Variants in TMEM131 observed in about 807,000 individuals in gnomAD.
The protein encoded by TMEM131 is 2610524E03Rik.
In TMEM131, 66 loss-of-function variants were observed where a neutral mutation model predicts 211.6. The observed-to-expected ratio is 0.31, with a 90% CI of 0.26 to 0.38. The LOEUF is 0.38. Ranked by LOEUF, TMEM131 falls within the 10% of genes least tolerant of loss-of-function variation. The probability of loss-of-function intolerance (pLI) is 1.00; values close to 1 mark genes in which losing one functional copy is unlikely to be tolerated. For synonymous variants in TMEM131, 844 were observed against 841.3 expected (o/e 1.00, Z -0.06); for missense variants, 2,036 against 2,299.3 (o/e 0.89, Z 2.34).
rs928111211 is a variant in TMEM131 at position 97,796,299 on chromosome 2, G to A, written c.3119C>T (p.Ser1040Leu). 8 of 1,566,236 alleles carry A rather than the reference G, an allele frequency of 5.1e-6. No individual in the cohort carries two copies. Among genetic ancestry groups the A allele is most frequent in the Non-Finnish European group, 6.9e-6 (8 of 1,155,188 alleles). The change falls in exon 28 of 41, where the codon TCA (serine) becomes TTA (leucine). Residue 1040 changes from serine (S) to leucine (L), a missense_variant. Physicochemically the swap from Ser to Leu is moderately radical, Grantham distance 145. Coordinates refer to ENST00000186436, the MANE Select transcript of TMEM131 (RefSeq NM_015348.2). Reference sequence around the variant, plus strand: ...AACTTTAAAGCCATATCCTTCACATGAGTATCCACTGATTTCAATGGTTTC... The same window carrying A: ...AACTTTAAAGCCATATCCTTCACATAAGTATCCACTGATTTCAATGGTTTC... ...HIETIEISGY[S>L]CEGYGFKVVN... is the part of the protein sequence containing the mutation.
At chr2:97,965,556 C>T (rs1183200411) in intron 1 of TMEM131, among the ~76,000 whole-genome samples, 2 of 152,164 alleles carry the variant, frequency 1.3e-5, no homozygotes, top group African/African-American at 4.8e-5. Flanking sequence ...ATAATAGCTA[C>T]CACTTACTAC....
At chr2:97,885,838 T>C (rs1373402434) in intron 4 of TMEM131, among the ~76,000 whole-genome samples, 1 of 152,232 alleles carries the variant, frequency 6.6e-6, no homozygotes, top group Non-Finnish European at 1.5e-5. Flanking sequence ...CTTGGGAAGT[T>C]TTCAGCTACT....
At chr2:97,786,526 C>G (rs773850141) in intron 31 of TMEM131, among the ~76,000 whole-genome samples, 64 of 152,190 alleles carry the variant, frequency 4.2e-4, no homozygotes, top group Non-Finnish European at 7.5e-4. Context: ...CTTAACAAAA[C>G]TCCCAAAAAC....
intron 31 of TMEM131, among the ~76,000 whole-genome samples, chr2:97,776,769 G>A (rs375264033): frequency 5.8e-4 from 88 of 152,342 alleles, no homozygotes; most frequent in African/African-American, 2.0e-3. Context: ...CTTTAGGGGC[G>A]CTAAGAGTCC....
intron 33 of TMEM131, 33 bp downstream of exon 33, chr2:97,772,264 G>A: frequency 6.3e-7 from 1 of 1,578,310 alleles, no homozygotes; most frequent in South Asian, 1.2e-5. Flanking sequence ...CTTCTTTATA[G>A]ACCTTATTTC....
intron 11 of TMEM131, among the ~76,000 whole-genome samples, chr2:97,824,860 C>G (rs1682299440): frequency 6.6e-6 from 1 of 152,234 alleles, no homozygotes. Context: ...CACCCCAATT[C>G]TAGGAGTACA....
intron 1 of TMEM131, among the ~76,000 whole-genome samples, chr2:97,933,498 G>A (rs1284171984): frequency 6.6e-6 from 1 of 151,968 alleles, no homozygotes; most frequent in East Asian, 1.9e-4. Context: ...TGGCTTAATG[G>A]TTACTGAGTC....
At chr2:97,804,900 T>C (rs1051523066) in intron 22 of TMEM131, among the ~76,000 whole-genome samples, 188 bp downstream of exon 22, 2 of 152,184 alleles carry the variant, frequency 1.3e-5, no homozygotes, top group African/African-American at 4.8e-5. Context: ...TGACAGTATG[T>C]ATATTTCCAA....
Position 97,792,654 on chromosome 2 carries a change from G to A in TMEM131, c.3876C>T (p.His1292=). 1 of 1,613,966 alleles carries A rather than the reference G, an allele frequency of 6.2e-7. No homozygotes were observed. The highest frequency in any genetic ancestry group is 1.1e-5 in the South Asian group (1 of 91,082). Reference sequence around the variant, plus strand: ...GCTGCTCCAGCGGGCTGTGGGCATGGTGCTGGCTGCCGTGCTGGCTCTGCT... The same window carrying A: ...GCTGCTCCAGCGGGCTGTGGGCATGATGCTGGCTGCCGTGCTGGCTCTGCT... ...GAKQSQHGSQ[H]HAHSPLEQHP... Residue 1292 remains histidine, a synonymous_variant, in exon 31 of 41, where the codon CAC becomes CAT. Coordinates refer to ENST00000186436, the MANE Select transcript of TMEM131 (RefSeq NM_015348.2).
chr2:97,943,050 AAAGAAAG>A (rs1677855867), intron 1 of TMEM131, among the ~76,000 whole-genome samples: 2 of 56,044 alleles, frequency 3.6e-5, no homozygotes, highest in Admixed American at 1.9e-4. Flanking sequence ...AGAAAGAAAG[AAAGAAAG>A]AAAGAAAGAA....
intron 2 of TMEM131, 64 bp from the exon 3 acceptor site, chr2:97,908,762 G>T: frequency 3.0e-6 from 4 of 1,332,074 alleles, no homozygotes; most frequent in Non-Finnish European, 4.2e-6. Flanking sequence ...CAGACATATG[G>T]AATATCCAAA....
intron 19 of TMEM131, among the ~76,000 whole-genome samples, chr2:97,806,820 T>G (rs1345402584): frequency 2.0e-5 from 3 of 152,162 alleles, no homozygotes; most frequent in Non-Finnish European, 4.4e-5. Context: ...GTGAAGAGCG[T>G]GCACAGGAAA....
intron 5 of TMEM131, among the ~76,000 whole-genome samples, chr2:97,854,371 G>A (rs1673754923): frequency 6.6e-6 from 1 of 152,152 alleles, no homozygotes; most frequent in South Asian, 2.1e-4. Context: ...AAAAAATTCT[G>A]TGACTGGCTT....
intron 25 of TMEM131, among the ~76,000 whole-genome samples, chr2:97,799,335 T>A (rs774017248): frequency 1.2e-4 from 19 of 152,180 alleles, no homozygotes; most frequent in Admixed American, 2.0e-4. Context: ...TCTTTAATAT[T>A]CTGTGGGATA....
At chr2:97,829,085 C>A (rs1056061837) in intron 11 of TMEM131, among the ~76,000 whole-genome samples, 9 of 152,332 alleles carry the variant, frequency 5.9e-5, no homozygotes, top group African/African-American at 1.4e-4. Flanking sequence ...TGCAGGGTCC[C>A]TTCTTTGCCC....
chr2:97,986,896 C>T (rs1004908494), intron 1 of TMEM131, among the ~76,000 whole-genome samples: 1 of 152,240 alleles, frequency 6.6e-6, no homozygotes. Context: ...CATAAACTAT[C>T]TCAAAGATCT....
chr2:97,766,954 G>A (rs960134697), intron 33 of TMEM131, among the ~76,000 whole-genome samples: 1 of 152,138 alleles, frequency 6.6e-6, no homozygotes, highest in Non-Finnish European at 1.5e-5. Flanking sequence ...CTGGAAGTGC[G>A]GTCATTCTGC....
intron 2 of TMEM131, among the ~76,000 whole-genome samples, chr2:97,922,172 C>G (rs1676769113): frequency 6.6e-6 from 1 of 152,178 alleles, no homozygotes; most frequent in African/African-American, 2.4e-5. Context: ...ACCTAGATCT[C>G]TCATGTGCAG....
chr2:97,986,417 G>T (rs1035252326), intron 1 of TMEM131, among the ~76,000 whole-genome samples: 1 of 152,064 alleles, frequency 6.6e-6, no homozygotes, highest in Non-Finnish European at 1.5e-5. Flanking sequence ...GTTCTTGACT[G>T]GTTACAGTTT....
Sources: gnomAD v4.1 joint callset for allele counts (sites outside exome capture counted in the v4.1 genomes callset) on GRCh38, gnomAD v4.1.1 for gene constraint, MANE v1.5 for transcripts, NCBI Gene and HGNC (gene_info 2026-07-23, HGNC 2026-07-21) for gene names.